Variants in ARHGAP26 observed in about 807,000 individuals in gnomAD.
ARHGAP26 encodes Rho GTPase activating protein 26.
A neutral mutation model predicts 104.8 loss-of-function variants in ARHGAP26; 38 were observed. That is an observed-to-expected ratio of 0.36 (90% CI 0.28 to 0.48). The LOEUF is 0.48. Ranked by LOEUF, ARHGAP26 falls within the 20% of genes least tolerant of loss-of-function variation. ARHGAP26 has a pLI of 0.99. For synonymous variants in ARHGAP26, 341 were observed against 340.0 expected (o/e 1.00, Z -0.03); for missense variants, 704 against 947.9 (o/e 0.74, Z 3.38).
chr5:142,863,652 T>C (rs190622244), intron 1 of ARHGAP26, among the ~76,000 whole-genome samples: 17 of 152,198 alleles, frequency 1.1e-4, no homozygotes, highest in Middle Eastern at 3.4e-3. Flanking sequence ...TCTGTCAGGG[T>C]CTTGAGTGGG....
Position 142,862,834 on chromosome 5 carries a change from C to T in ARHGAP26, c.155-10566C>T, listed in dbSNP as rs376313276. Among the ~76,000 whole-genome samples, 144 of 152,314 alleles carry T rather than the reference C, an allele frequency of 9.5e-4. 3 individuals carry two copies. Among genetic ancestry groups the T allele is most frequent in the African/African-American group, 3.1e-3 (130 of 41,558 alleles). ...AAATTTTCAGATGGTACACGTCACCCTCTTAATCTAATTGAGCCAGCACAT... is the reference window on the plus strand; with the variant it reads ...AAATTTTCAGATGGTACACGTCACCTTCTTAATCTAATTGAGCCAGCACAT... On this transcript the variant is annotated intron_variant, in intron 1 of 22. Transcript: ENST00000645722.
At chr5:143,218,310 A>T (rs998807352) in intron 22 of ARHGAP26, among the ~76,000 whole-genome samples, 2 of 152,130 alleles carry the variant, frequency 1.3e-5, no homozygotes, top group Non-Finnish European at 2.9e-5. Flanking sequence ...ACTACCTAAA[A>T]TTATATGCTT....
At chr5:142,809,626 A>G (rs892762668) in intron 1 of ARHGAP26, among the ~76,000 whole-genome samples, 3 of 152,214 alleles carry the variant, frequency 2.0e-5, no homozygotes, top group Admixed American at 1.3e-4. Context: ...TTGGAGTCCC[A>G]TTATTTATAC....
At chr5:143,109,853 A>G (rs1794552204) in intron 17 of ARHGAP26, among the ~76,000 whole-genome samples, 1 of 152,206 alleles carries the variant, frequency 6.6e-6, no homozygotes, top group African/African-American at 2.4e-5. Flanking sequence ...CCCTCTGATC[A>G]GAATTTTCTA....
intron 17 of ARHGAP26, among the ~76,000 whole-genome samples, chr5:143,075,537 A>T (rs2150401560): frequency 1.3e-5 from 2 of 152,250 alleles, no homozygotes; most frequent in Middle Eastern, 3.4e-3. Context: ...GGCCTCACTC[A>T]AGATTTCCTG....
At chr5:143,081,786 G>A (rs557358639) in intron 17 of ARHGAP26, among the ~76,000 whole-genome samples, 15 of 152,148 alleles carry the variant, frequency 9.9e-5, no homozygotes, top group African/African-American at 1.2e-4. Context: ...GGCCGAGGCC[G>A]GCGGATCACA....
chr5:143,170,669 G>A (rs1253413222), intron 20 of ARHGAP26: 9 of 152,210 alleles, frequency 5.9e-5, no homozygotes, highest in African/African-American at 2.2e-4. Context: ...CGGAGGTACT[G>A]TTGTACTCCA....
chr5:142,881,856 C>T (rs992672116), intron 4 of ARHGAP26, among the ~76,000 whole-genome samples: 1 of 152,046 alleles, frequency 6.6e-6, no homozygotes, highest in Non-Finnish European at 1.5e-5. Context: ...GCTAAAATTA[C>T]TTTTTCCTCC....
At chr5:143,057,788 A>G (rs749495043) in intron 17 of ARHGAP26, 41 bp downstream of exon 17, 1 of 1,530,336 alleles carries the variant, frequency 6.5e-7, no homozygotes, top group Non-Finnish European at 9.1e-7. Context: ...CTTACCCCTG[A>G]AAGTTCTTAT....
intron 1 of ARHGAP26, among the ~76,000 whole-genome samples, chr5:142,779,430 T>A (rs572712218): frequency 6.6e-6 from 1 of 151,986 alleles, no homozygotes; most frequent in Non-Finnish European, 1.5e-5. Flanking sequence ...GGGTGGTGTG[T>A]GTGTGTGTGT....
chr5:142,864,418 A>G lies in ARHGAP26; in HGVS notation c.155-8982A>G, dbSNP rs1190428412. On this transcript the variant is annotated intron_variant, in intron 1 of 22. Coordinates refer to ENST00000645722, the MANE Select transcript of ARHGAP26 (RefSeq NM_001135608.3). ...AGTTCGTTTAGTTAAAAATTGGTTT[A>G]GTTAAAAAATGGTCCATCCGGGTTT... Among the ~76,000 whole-genome samples the G allele has an allele frequency of 2.6e-5, 4 of 152,230 alleles. No individual in the cohort carries two copies. The East Asian group carries it at 7.7e-4, about 29-fold the overall frequency.
intron 20 of ARHGAP26, among the ~76,000 whole-genome samples, chr5:143,187,575 C>A (rs1487933373): frequency 6.6e-6 from 1 of 152,246 alleles, no homozygotes; most frequent in Non-Finnish European, 1.5e-5. Flanking sequence ...CCTGTGGAAG[C>A]CACACAGGCA....
chr5:142,786,944 T>C (rs1561839292), intron 1 of ARHGAP26, among the ~76,000 whole-genome samples: 2 of 152,078 alleles, frequency 1.3e-5, no homozygotes, highest in East Asian at 1.9e-4. Flanking sequence ...TGCGTCCGGC[T>C]TGGATTTCTA....
chr5:143,118,943 TAAAA>T (rs11408187), intron 17 of ARHGAP26, among the ~76,000 whole-genome samples: 1 of 123,832 alleles, frequency 8.1e-6, no homozygotes, highest in African/African-American at 2.9e-5. Context: ...AGTATAATAA[TAAAA>T]AAAAAAAAAG....
chr5:143,028,578 C>T (rs1408464732), intron 12 of ARHGAP26, among the ~76,000 whole-genome samples: 2 of 152,114 alleles, frequency 1.3e-5, no homozygotes, highest in African/African-American at 4.8e-5. Context: ...TAATATTGGT[C>T]ATGATCATGT....
At chr5:142,958,837 G>A (rs530530503) in intron 11 of ARHGAP26, among the ~76,000 whole-genome samples, 38 of 151,482 alleles carry the variant, frequency 2.5e-4, no homozygotes, top group African/African-American at 8.7e-4. Context: ...GGGAGGCCAG[G>A]GCCAGAGGAT....
chr5:142,811,663 A>G (rs538706382), intron 1 of ARHGAP26, among the ~76,000 whole-genome samples: 1 of 152,128 alleles, frequency 6.6e-6, no homozygotes, highest in Non-Finnish European at 1.5e-5. Flanking sequence ...GGAAGTAATA[A>G]TAGACTTACC....
intron 17 of ARHGAP26, among the ~76,000 whole-genome samples, chr5:143,111,770 G>C (rs904026977): frequency 6.6e-6 from 1 of 152,168 alleles, no homozygotes; most frequent in Non-Finnish European, 1.5e-5. Context: ...ATTAGACCTC[G>C]TAAATATTTT....
chr5:142,915,956 G>A (rs941376237), intron 10 of ARHGAP26, among the ~76,000 whole-genome samples: 14 of 152,168 alleles, frequency 9.2e-5, no homozygotes, highest in Admixed American at 9.2e-4. Context: ...CTTTAGCGAG[G>A]AGGTGATTGC....
Sources: gnomAD v4.1 joint callset for allele counts (sites outside exome capture counted in the v4.1 genomes callset) on GRCh38, gnomAD v4.1.1 for gene constraint, MANE v1.5 for transcripts, NCBI Gene and HGNC (gene_info 2026-07-23, HGNC 2026-07-21) for gene names.